TMPRSS9: variants seen among roughly 807,000 people sequenced by gnomAD.
TMPRSS9 encodes transmembrane serine protease 9.
In TMPRSS9, 113 loss-of-function variants were observed where a neutral mutation model predicts 111.4. The observed-to-expected ratio is 1.01, with a 90% CI of 0.87 to 1.19. The LOEUF (loss-of-function observed/expected upper bound fraction) is 1.19, where lower values mean the gene tolerates loss of function less well. Ranked by LOEUF, TMPRSS9 falls within the 50% of genes most tolerant of loss-of-function variation. The pLI is 0.00. For synonymous variants in TMPRSS9, 805 were observed against 659.1 expected, an observed-to-expected ratio of 1.22 and a Z score of -3.39; for missense variants, 1,803 against 1,513.1, an observed-to-expected ratio of 1.19 and a Z score of -3.18.
intron 5 of TMPRSS9, among the ~76,000 whole-genome samples, chr19:2,402,621 C>G (rs1970875550): frequency 6.6e-6 from 1 of 151,986 alleles, no homozygotes; most frequent in Admixed American, 6.6e-5. Context: ...GCCTGTAATC[C>G]CAGCTACTCA....
chr19:2,386,616 T>C (rs1970483059), upstream of TMPRSS9, among the ~76,000 whole-genome samples: 1 of 152,178 alleles, frequency 6.6e-6, no homozygotes, highest in Admixed American at 6.6e-5. Flanking sequence ...TAGTTGTGTC[T>C]AATTCTTTAC....
chr19:2,391,952 G>A (rs907622382), intron 1 of TMPRSS9, among the ~76,000 whole-genome samples: 1 of 151,914 alleles, frequency 6.6e-6, no homozygotes, highest in Non-Finnish European at 1.5e-5. Flanking sequence ...ATATTGGCCA[G>A]GATGGTCTCA....
chr19:2,397,930 T>G (rs1970743835), intron 2 of TMPRSS9, among the ~76,000 whole-genome samples: 1 of 124,278 alleles, frequency 8.0e-6, no homozygotes, highest in Non-Finnish European at 1.6e-5. Flanking sequence ...AAAAAACAAT[T>G]TTTAAAAATA....
chr19:2,406,631 G>A (rs760687035), intron 7 of TMPRSS9, among the ~76,000 whole-genome samples: 1 of 151,520 alleles, frequency 6.6e-6, no homozygotes, highest in Admixed American at 6.6e-5. Context: ...CACCGTGCCT[G>A]GCCCACTTGC....
At chr19:2,382,083 C>T (rs1434804981) in intron 1 of TMPRSS9, among the ~76,000 whole-genome samples, 2 of 152,130 alleles carry the variant, frequency 1.3e-5, no homozygotes, top group Non-Finnish European at 2.9e-5. Context: ...TCAGGTGATC[C>T]ACTTGCCTCA....
At chr19:2,425,253 C>T (rs764723557) in exon 16 of TMPRSS9, 3 of 1,389,870 alleles carry the variant, frequency 2.2e-6, no homozygotes, top group South Asian at 1.4e-5. Flanking sequence ...GGCTGGGGCT[C>T]GGTGCGCGAA....
intron 1 of TMPRSS9, among the ~76,000 whole-genome samples, chr19:2,392,429 A>C (rs1300143818): frequency 1.3e-5 from 2 of 152,078 alleles, no homozygotes; most frequent in Non-Finnish European, 2.9e-5. Flanking sequence ...ACATGATGCC[A>C]GGCGTAGTGG....
intron 2 of TMPRSS9, among the ~76,000 whole-genome samples, chr19:2,396,920 T>C (rs1970722943): frequency 6.6e-6 from 1 of 151,556 alleles, no homozygotes; most frequent in African/African-American, 2.4e-5. Flanking sequence ...GAGGTTTTTT[T>C]TTTTTTCTTT....
chr19:2,424,228 G>A lies in TMPRSS9; in HGVS notation c.2688G>A (p.Trp896Ter). ...GGGCCGTGCTGGTGGCAGAGAGGTG[G>A]CTGCTGTCGGCGGCGCACTGCTTCG... Residue 896 changes from tryptophan to a stop codon, truncating the protein, a stop_gained, in exon 15 of 18, where the codon TGG (tryptophan) becomes TGA (stop). Coordinates refer to ENST00000648592, the Ensembl canonical transcript of TMPRSS9. LOFTEE classifies it high-confidence loss of function. 1 of 1,419,658 alleles carries A rather than the reference G, an allele frequency of 7.0e-7. No individual in the cohort carries two copies. The highest frequency in any genetic ancestry group is 1.6e-5 in the South Asian group (1 of 62,698). 87.9% of individuals were successfully genotyped at this position (1,419,658 alleles called of 1,614,324 possible). A position where few individuals can be genotyped will look rare whatever the true frequency, so the allele number is the denominator to read the frequency against.
In TMPRSS9 at chr19:2,408,462, CT is replaced by C. The variant is rs749522455; in HGVS notation, c.950del (p.Leu317ArgfsTer16). 2 of 1,613,858 alleles carry C rather than the reference CT, an allele frequency of 1.2e-6. No individual in the cohort carries two copies. The highest frequency in any genetic ancestry group is 1.7e-6 in the Non-Finnish European group (2 of 1,180,020). On this transcript the variant is annotated frameshift_variant, in exon 8 of 18. Coordinates refer to ENST00000648592, the Ensembl canonical transcript of TMPRSS9. LOFTEE classifies it high-confidence loss of function. ...GGTGGTCCAGATCGTCAAGCACCCCCTGTACAACGCGGACACGGCCGACTTT... is the reference window on the plus strand; with the variant it reads ...GGTGGTCCAGATCGTCAAGCACCCCCGTACAACGCGGACACGGCCGACTTT...
chr19:2,417,786 C>T (rs1262100256), intron 12 of TMPRSS9, among the ~76,000 whole-genome samples: 1 of 152,178 alleles, frequency 6.6e-6, no homozygotes. Context: ...GGCGGCAGCC[C>T]CATGGGGACA....
At chr19:2,406,724 A>G (rs1369544190) in intron 7 of TMPRSS9, among the ~76,000 whole-genome samples, 1 of 150,220 alleles carries the variant, frequency 6.7e-6, no homozygotes, top group Non-Finnish European at 1.5e-5. Context: ...GTGACCAATG[A>G]CATTTTGTTG....
chr19:2,426,250 C>T (rs968882717), downstream of TMPRSS9: 7 of 379,392 alleles, frequency 1.8e-5, no homozygotes, highest in Non-Finnish European at 1.5e-5. Context: ...TAAACACAGC[C>T]CCTCCACCCT....
exon 14 of TMPRSS9, chr19:2,422,016 C>T (rs1971475809): frequency 1.2e-6 from 2 of 1,612,882 alleles, no homozygotes; most frequent in East Asian, 2.2e-5. Flanking sequence ...GTCCTCCCAG[C>T]CCCTTCCCAT....
chr19:2,395,538 C>G (rs1188575739), intron 1 of TMPRSS9, among the ~76,000 whole-genome samples: 1 of 151,954 alleles, frequency 6.6e-6, no homozygotes, highest in Non-Finnish European at 1.5e-5. Flanking sequence ...ACCAGCCTGG[C>G]CAACATGGAG....
Position 2,361,572 on chromosome 19 carries a change from G to C in TMPRSS9, c.-26+1212G>C, listed in dbSNP as rs1022233881. Among the ~76,000 whole-genome samples, 21 of 152,252 alleles carry C rather than the reference G, an allele frequency of 1.4e-4. 1 individual carries two copies. The Middle Eastern group carries it at 0.017, about 123-fold the overall frequency. ...GGGAGGGTCCTCCTGGATTCAATTA[G>C]CCCCGGCAGGAAACCCAGGCTGGGG... On this transcript the variant is annotated intron_variant, in intron 1 of 17. Coordinates refer to the TMPRSS9 transcript ENST00000649857.
At chr19:2,424,756 G>T (rs1283408436) in intron 15 of TMPRSS9, among the ~76,000 whole-genome samples, 1 of 152,132 alleles carries the variant, frequency 6.6e-6, no homozygotes, top group African/African-American at 2.4e-5. Context: ...GGGCAGGCGG[G>T]GGGCGGGACT....
At chr19:2,425,714 C>T in intron 17 of TMPRSS9, 5 of 1,166,708 alleles carry the variant, frequency 4.3e-6, no homozygotes, top group Non-Finnish European at 5.8e-6. Context: ...GCAGAGCAGG[C>T]AGAGGCTGCA....
At chr19:2,394,737 C>T (rs540024122) in intron 1 of TMPRSS9, among the ~76,000 whole-genome samples, 2 of 152,198 alleles carry the variant, frequency 1.3e-5, no homozygotes, top group Non-Finnish European at 2.9e-5. Context: ...CCAGCTTTCA[C>T]GGTTTACGCG....
Sources: allele counts gnomAD v4.1 joint callset (sites outside exome capture counted in the v4.1 genomes callset), GRCh38; gene constraint gnomAD v4.1.1; transcripts MANE v1.5; gene names NCBI Gene and HGNC (gene_info 2026-07-23, HGNC 2026-07-21).